DCLK2: variants seen among roughly 807,000 people sequenced by gnomAD.
DCLK2 encodes the protein doublecortin like kinase 2.
A neutral mutation model predicts 78.4 loss-of-function variants in DCLK2; 31 were observed. The ratio of observed to expected loss-of-function variants is 0.40; its 90% CI spans 0.30 to 0.53. DCLK2 has a LOEUF of 0.53. Among genes scored for constraint, DCLK2 ranks in the 20% least tolerant of loss-of-function variants. The pLI is 0.61. For missense variants in DCLK2, 872 were observed against 973.7 expected (o/e 0.90, Z 1.39); for synonymous variants, 407 against 374.9 (o/e 1.09, Z -0.99).
At chr4:150,156,789 A>AT (rs869126960) in intron 2 of DCLK2, among the ~76,000 whole-genome samples, 11 of 133,104 alleles carry the variant, frequency 8.3e-5, no homozygotes, top group African/African-American at 3.2e-4. Context: ...TTATTTATTT[A>AT]TTTTTTGAGA....
intron 10 of DCLK2, among the ~76,000 whole-genome samples, chr4:150,237,547 A>T (rs959564890): frequency 6.6e-6 from 1 of 152,202 alleles, no homozygotes; most frequent in East Asian, 1.9e-4. Context: ...TATTAAATGG[A>T]TAAGGACATC....
intron 2 of DCLK2, among the ~76,000 whole-genome samples, chr4:150,123,280 G>A (rs1257700988): frequency 6.6e-6 from 1 of 152,066 alleles, no homozygotes; most frequent in African/African-American, 2.4e-5. Flanking sequence ...CCTTTCACTT[G>A]AACACTTAGA....
rs550706180 is a variant in DCLK2, at chr4:150,249,426, T to C, written c.1957-142T>C. ...TAGTTATTTTTGAAAGATCATTGTT[T>C]CCCTAATTCTGTGGCTAAGAGGGGC... On this transcript the variant is annotated intron_variant, in intron 14 of 15. Coordinates refer to ENST00000296550, the MANE Select transcript of DCLK2 (RefSeq NM_001040260.4). 52 of 685,534 alleles carry C rather than the reference T, an allele frequency of 7.6e-5. 2 individuals are homozygous for C. Among genetic ancestry groups the C allele is most frequent in the South Asian group, 6.9e-4 (42 of 60,548 alleles). 42.5% of individuals were successfully genotyped at this position (685,534 alleles called of 1,614,324 possible). A position where few individuals can be genotyped will look rare whatever the true frequency, so the allele number is the denominator to read the frequency against.
At chr4:150,254,775 A>T (rs970367470) in intron 15 of DCLK2, among the ~76,000 whole-genome samples, 3 of 152,068 alleles carry the variant, frequency 2.0e-5, no homozygotes, top group Non-Finnish European at 2.9e-5. Context: ...CAAACTCCTG[A>T]GCTCAAGCCA....
chr4:150,230,338 C>T (rs1449191074), intron 8 of DCLK2, among the ~76,000 whole-genome samples: 1 of 152,046 alleles, frequency 6.6e-6, no homozygotes. Context: ...TTATTTACTT[C>T]AATTTGAGAG....
At chr4:150,240,767 AAG>A (rs1413938672) in intron 12 of DCLK2, among the ~76,000 whole-genome samples, 3 of 81,756 alleles carry the variant, frequency 3.7e-5, no homozygotes, top group Middle Eastern at 6.9e-3. Flanking sequence ...AAAAAAGAAA[AAG>A]AAAAAAAAAA....
chr4:150,251,902 C>T (rs561625772), intron 15 of DCLK2, among the ~76,000 whole-genome samples: 33 of 151,900 alleles, frequency 2.2e-4, no homozygotes, highest in Admixed American at 3.9e-4. Context: ...CTTGCAACTC[C>T]CCAGCTGCTC....
intron 15 of DCLK2, among the ~76,000 whole-genome samples, chr4:150,254,838 C>A (rs1434323746): frequency 1.3e-5 from 2 of 152,136 alleles, no homozygotes; most frequent in African/African-American, 4.8e-5. Flanking sequence ...CGCCACCTTG[C>A]CCGGCTAATT....
intron 1 of DCLK2, among the ~76,000 whole-genome samples, chr4:150,090,611 T>A (rs1001165153): frequency 3.9e-5 from 6 of 152,158 alleles, no homozygotes; most frequent in Admixed American, 3.9e-4. Context: ...GCTACAAAGC[T>A]TTTTGGTTAC....
At chr4:150,252,471 CAG>C (rs1333113960) in intron 15 of DCLK2, among the ~76,000 whole-genome samples, 1 of 152,196 alleles carries the variant, frequency 6.6e-6, no homozygotes, top group East Asian at 1.9e-4. Flanking sequence ...CTTTTTGACT[CAG>C]GGGCCCAGAT....
chr4:150,083,485 C>G (rs1006947644), intron 1 of DCLK2, among the ~76,000 whole-genome samples: 2 of 152,164 alleles, frequency 1.3e-5, no homozygotes, highest in African/African-American at 4.8e-5. Flanking sequence ...CCAAACCTAT[C>G]TACCGCATCT....
At chr4:150,165,677 A>G (rs1736010104) in intron 2 of DCLK2, among the ~76,000 whole-genome samples, 1 of 152,266 alleles carries the variant, frequency 6.6e-6, no homozygotes, top group Admixed American at 6.5e-5. Context: ...TCCTCTGCTT[A>G]GAACTGATGG....
chr4:150,207,507 A>G (rs1462332086), intron 5 of DCLK2, among the ~76,000 whole-genome samples: 3 of 152,220 alleles, frequency 2.0e-5, no homozygotes. Context: ...GATATAAAAT[A>G]TAGACAATCC....
Position 150,171,508 on chromosome 4 carries a change from A to G in DCLK2, c.757-21630A>G, listed in dbSNP as rs1168138135. Among the ~76,000 whole-genome samples the G allele has an allele frequency of 2.0e-5, 3 of 152,242 alleles. No individual in the cohort carries two copies. In the East Asian group the frequency reaches 5.8e-4, roughly 29 times the overall value. ...AAAAAAAATTAATTTTAGTTGACTA[A>G]GTTCAATTAAAAGTTGGGCTTTGCT... On this transcript the variant is annotated intron_variant, in intron 2 of 15. Coordinates refer to ENST00000296550, the MANE Select transcript of DCLK2 (RefSeq NM_001040260.4).
chr4:150,088,590 A>G (rs914214288), intron 1 of DCLK2, among the ~76,000 whole-genome samples: 2 of 152,138 alleles, frequency 1.3e-5, no homozygotes, highest in African/African-American at 2.4e-5. Context: ...GGTGAAAGCC[A>G]TTACACCCTT....
At chr4:150,250,463 G>T (rs1366169179) in intron 15 of DCLK2, among the ~76,000 whole-genome samples, 2 of 152,054 alleles carry the variant, frequency 1.3e-5, no homozygotes, top group Non-Finnish European at 2.9e-5. Context: ...CCGTGAGCAG[G>T]TAGAAGCCAG....
chr4:150,189,239 G>A (rs1463134908), intron 2 of DCLK2, among the ~76,000 whole-genome samples: 3 of 41,534 alleles, frequency 7.2e-5, no homozygotes, highest in African/African-American at 9.4e-5. Context: ...ATTTTTATTT[G>A]GCCAAAAAAA....
intron 8 of DCLK2, 25 bp downstream of exon 8, chr4:150,224,583 C>G (rs2126542459): frequency 1.3e-6 from 2 of 1,580,744 alleles, no homozygotes; most frequent in Non-Finnish European, 1.7e-6. Flanking sequence ...ACCCCTAGTT[C>G]TGAAAGAAAC....
At position 150,078,976 on chromosome 4, in the gene DCLK2, A is replaced by G; in HGVS notation, c.-52A>G. On this transcript the variant is annotated 5_prime_UTR_variant, in exon 1 of 16. Coordinates refer to ENST00000296550, the MANE Select transcript of DCLK2 (RefSeq NM_001040260.4). ...CAGACGTCCCTGCACCGGCGCTCGC[A>G]CCCTTAGTCGGCCCGGAACGTCTTT... is the stretch of plus-strand genomic sequence containing the variant. 6.7e-7 allele frequency: 1 copy of G among 1,485,872 alleles called. No individual in the cohort carries two copies. The highest frequency in any genetic ancestry group is 8.9e-7 in the Non-Finnish European group (1 of 1,119,534). The allele number at this position is 1,485,872 out of a possible 1,614,324, so 92.0% of individuals were successfully genotyped here.
Sources: gnomAD v4.1 joint callset for allele counts (sites outside exome capture counted in the v4.1 genomes callset) on GRCh38, gnomAD v4.1.1 for gene constraint, MANE v1.5 for transcripts, NCBI Gene and HGNC (gene_info 2026-07-23, HGNC 2026-07-21) for gene names.